Variants in VGLL4 observed in about 807,000 individuals in gnomAD.
VGLL4 encodes transcription cofactor vestigial-like protein 4.
In VGLL4, 7 loss-of-function variants were observed where a neutral mutation model predicts 21.0. That is an observed-to-expected ratio of 0.33 (90% CI 0.19 to 0.63). VGLL4 has a LOEUF of 0.63. Among genes scored for constraint, VGLL4 ranks in the 20% least tolerant of loss-of-function variants. VGLL4 has a pLI of 0.78. For missense variants in VGLL4, 394 were observed against 425.7 expected (o/e 0.93, Z 0.66); for synonymous variants, 222 against 173.2 (o/e 1.28, Z -2.21).
chr3:11,660,949 C>T (rs2076028409), intron 2 of VGLL4, among the ~76,000 whole-genome samples: 1 of 152,174 alleles, frequency 6.6e-6, no homozygotes, highest in South Asian at 2.1e-4. Context: ...GAATACCAAA[C>T]AGCAACAAAA....
At chr3:11,645,463 G>A (rs1441769130), upstream of VGLL4, among the ~76,000 whole-genome samples, 3 of 140,978 alleles carry the variant, frequency 2.1e-5, no homozygotes, top group East Asian at 4.1e-4. Context: ...GGTGGCGGGC[G>A]CCTGTAGTCC....
At chr3:11,564,771 C>T (rs566500499) in intron 3 of VGLL4, 26 bp downstream of exon 3, 40 of 1,531,644 alleles carry the variant, frequency 2.6e-5, no homozygotes, top group African/African-American at 2.3e-4. Flanking sequence ...GGACTCCCCA[C>T]GCCACCCTCC....
At chr3:11,710,786 G>A (rs1034684150) in intron 1 of VGLL4, among the ~76,000 whole-genome samples, 4 of 152,194 alleles carry the variant, frequency 2.6e-5, no homozygotes, top group African/African-American at 9.7e-5. Flanking sequence ...GGCATGGGGT[G>A]TACTTCTTGG....
At chr3:11,573,365 AAGAAAGAAAGAAAGAAAG>A (rs2073928037) in intron 2 of VGLL4, among the ~76,000 whole-genome samples, 1 of 139,456 alleles carries the variant, frequency 7.2e-6, no homozygotes, top group Non-Finnish European at 1.6e-5. Flanking sequence ...GAAAGAAAGA[AAGAAAGAAAGAAAGAAAG>A]AAAGAAAGAA....
At chr3:11,673,431 G>A (rs1234620457) in intron 2 of VGLL4, among the ~76,000 whole-genome samples, 6 of 151,920 alleles carry the variant, frequency 3.9e-5, no homozygotes. Context: ...GGGAGAAAGG[G>A]GGAAAGGGGG....
rs1267495333 is a variant in VGLL4, at chr3:11,558,488, T to TA, written c.*67dup. ...CCCACCCCCATGATTTTTTTTTTTT[T>TA]AAGTACTGACTGTTCAAAGCTCAGG... On this transcript the variant is annotated 3_prime_UTR_variant, in exon 5 of 5. Coordinates refer to ENST00000430365, the MANE Select transcript of VGLL4 (RefSeq NM_001128219.3). 9 of 1,483,478 alleles carry TA rather than the reference T, an allele frequency of 6.1e-6. No individual in the cohort carries two copies. In the East Asian group the frequency reaches 7.1e-5, roughly 12 times the overall value. 91.9% of individuals were successfully genotyped at this position (1,483,478 alleles called of 1,614,324 possible). A position where few individuals can be genotyped will look rare whatever the true frequency, so the allele number is the denominator to read the frequency against.
At chr3:11,603,190 G>A (rs2074848492) in intron 1 of VGLL4, among the ~76,000 whole-genome samples, 1 of 152,174 alleles carries the variant, frequency 6.6e-6, no homozygotes, top group Non-Finnish European at 1.5e-5. Context: ...AGAAAGGAGT[G>A]AGGAAAAACC....
At chr3:11,645,603 C>CAAA (rs34230304), upstream of VGLL4, among the ~76,000 whole-genome samples, 9 of 77,400 alleles carry the variant, frequency 1.2e-4, 2 homozygotes, top group South Asian at 1.3e-3. Context: ...GACTCCGTCT[C>CAAA]AAAAAAAAAA....
intron 1 of VGLL4, among the ~76,000 whole-genome samples, chr3:11,712,268 TA>T (rs1436184047): frequency 6.6e-6 from 1 of 152,186 alleles, no homozygotes; most frequent in African/African-American, 2.4e-5. Flanking sequence ...CACTTAATTG[TA>T]TGGGCCAGTC....
intron 2 of VGLL4, among the ~76,000 whole-genome samples, chr3:11,698,861 AGTCATAATAGGTACT>A (rs1281899686): frequency 6.6e-6 from 1 of 152,212 alleles, no homozygotes; most frequent in Non-Finnish European, 1.5e-5. Flanking sequence ...TATAGACTCA[AGTCATAATAGGTACT>A]GTTCCCTTCA....
At chr3:11,570,369 C>T (rs929809722) in intron 2 of VGLL4, among the ~76,000 whole-genome samples, 1 of 152,146 alleles carries the variant, frequency 6.6e-6, no homozygotes, top group African/African-American at 2.4e-5. Flanking sequence ...GCGGAGATGC[C>T]GGCCACCAAG....
In VGLL4 at chr3:11,566,697, C is replaced by T. The variant is rs559125217; in HGVS notation, c.273-1678G>A. Among the ~76,000 whole-genome samples, 5 of 152,304 alleles carry T rather than the reference C, an allele frequency of 3.3e-5. No individual in the cohort carries two copies. The South Asian group carries it at 1.0e-3, about 32-fold the overall frequency. ...TCTAGCCTCCCTCCTCCCCGTCCTGCGCTGCCAACCACAGCTGCAGTGTAG... is the reference window on the plus strand; with the variant it reads ...TCTAGCCTCCCTCCTCCCCGTCCTGTGCTGCCAACCACAGCTGCAGTGTAG... On this transcript the variant is annotated intron_variant, in intron 2 of 4. Transcript: ENST00000430365.
intron 2 of VGLL4, among the ~76,000 whole-genome samples, chr3:11,652,524 G>A (rs1039336855): frequency 1.1e-4 from 17 of 152,060 alleles, no homozygotes; most frequent in Non-Finnish European, 2.4e-4. Context: ...GGGTTCAAGC[G>A]ATTCTCCTGC....
intron 2 of VGLL4, among the ~76,000 whole-genome samples, chr3:11,570,154 G>C (rs2073716304): frequency 6.6e-6 from 1 of 152,104 alleles, no homozygotes; most frequent in African/African-American, 2.4e-5. Flanking sequence ...AGGTGGAGAA[G>C]ATGAAGGCTT....
intron 2 of VGLL4, chr3:11,702,884 G>T: frequency 1.5e-6 from 2 of 1,294,692 alleles, no homozygotes; most frequent in Non-Finnish European, 1.0e-6. Flanking sequence ...AGAAAACCAT[G>T]TAGAGAAGCA....
intron 2 of VGLL4, among the ~76,000 whole-genome samples, chr3:11,593,625 C>T (rs1351641785): frequency 1.3e-5 from 2 of 152,042 alleles, no homozygotes; most frequent in Admixed American, 6.5e-5. Context: ...AAGGACAATG[C>T]AAGCAAAGGA....
chr3:11,594,168 C>A (rs1005741621), intron 2 of VGLL4, among the ~76,000 whole-genome samples: 2 of 152,178 alleles, frequency 1.3e-5, no homozygotes, highest in Non-Finnish European at 2.9e-5. Context: ...ATGATGTGCA[C>A]CTCTAAAGCT....
At chr3:11,656,201 A>G (rs2075956109) in intron 2 of VGLL4, among the ~76,000 whole-genome samples, 2 of 152,236 alleles carry the variant, frequency 1.3e-5, no homozygotes, top group South Asian at 4.1e-4. Context: ...CCTACCAGGG[A>G]GCACACACGA....
At chr3:11,617,294 C>T (rs1350740369) in intron 1 of VGLL4, among the ~76,000 whole-genome samples, 4 of 152,018 alleles carry the variant, frequency 2.6e-5, no homozygotes, top group African/African-American at 4.8e-5. Context: ...ACTAGAACAA[C>T]GGGTTTGTTT....
Sources: allele counts gnomAD v4.1 joint callset (sites outside exome capture counted in the v4.1 genomes callset), GRCh38; gene constraint gnomAD v4.1.1; transcripts MANE v1.5; gene names NCBI Gene and HGNC (gene_info 2026-07-23, HGNC 2026-07-21).